FOXO3: variants seen among roughly 807,000 people sequenced by gnomAD.
FOXO3 encodes the protein forkhead box protein O3.
In FOXO3, 4 loss-of-function variants were observed where a neutral mutation model predicts 41.9. That is an observed-to-expected ratio of 0.10 (90% CI 0.05 to 0.22). FOXO3 has a LOEUF of 0.22. Ranked by LOEUF, FOXO3 falls within the 10% of genes least tolerant of loss-of-function variation. The pLI is 1.00. For missense variants in FOXO3, 534 were observed against 906.8 expected (o/e 0.59, Z 5.28); for synonymous variants, 318 against 389.3 (o/e 0.82, Z 2.16).
chr6:108,611,660 ATCT>A (rs998739935), intron 1 of FOXO3, among the ~76,000 whole-genome samples: 4 of 145,724 alleles, frequency 2.7e-5, no homozygotes, highest in African/African-American at 7.5e-5. Flanking sequence ...TAAATTGTAT[ATCT>A]TCTTTGGTGA....
intron 1 of FOXO3, among the ~76,000 whole-genome samples, chr6:108,605,074 A>G (rs1013114481): frequency 2.6e-5 from 4 of 152,200 alleles, no homozygotes; most frequent in African/African-American, 9.7e-5. Flanking sequence ...AATGAAGTTC[A>G]TAGTCACACT....
chr6:108,599,399 T>G (rs1031771500), intron 1 of FOXO3, among the ~76,000 whole-genome samples: 1 of 152,240 alleles, frequency 6.6e-6, no homozygotes, highest in Non-Finnish European at 1.5e-5. Context: ...TTGAATACAT[T>G]ATTTCTTATT....
At chr6:108,578,830 C>T (rs753027963) in intron 1 of FOXO3, among the ~76,000 whole-genome samples, 1 of 152,106 alleles carries the variant, frequency 6.6e-6, no homozygotes, top group Non-Finnish European at 1.5e-5. Flanking sequence ...TGACACGGCT[C>T]TCGTGATGAA....
At chr6:108,595,563 TTC>T (rs565070279) in intron 1 of FOXO3, among the ~76,000 whole-genome samples, 2 of 152,248 alleles carry the variant, frequency 1.3e-5, no homozygotes, top group Non-Finnish European at 2.9e-5. Flanking sequence ...TTATTTTATG[TTC>T]TCTCTCATAG....
intron 1 of FOXO3, among the ~76,000 whole-genome samples, chr6:108,580,902 A>G (rs1336738309): frequency 2.6e-5 from 4 of 152,212 alleles, no homozygotes; most frequent in African/African-American, 9.6e-5. Flanking sequence ...GGGATGGGAC[A>G]CTTCAAACTG....
chr6:108,608,745 A>T (rs1777276535), intron 1 of FOXO3, among the ~76,000 whole-genome samples: 1 of 152,194 alleles, frequency 6.6e-6, no homozygotes, highest in Non-Finnish European at 1.5e-5. Flanking sequence ...TGGTACTTTT[A>T]CAGGGTTTCA....
intron 2 of FOXO3, among the ~76,000 whole-genome samples, chr6:108,674,321 A>T (rs1770488305): frequency 6.6e-6 from 1 of 152,222 alleles, no homozygotes; most frequent in African/African-American, 2.4e-5. Flanking sequence ...TTCAGCCAAC[A>T]TTTATAGTGC....
chr6:108,679,466 C>T (rs1208057042), intron 2 of FOXO3, among the ~76,000 whole-genome samples: 1 of 152,046 alleles, frequency 6.6e-6, no homozygotes, highest in Non-Finnish European at 1.5e-5. Context: ...TCCCTCAGTC[C>T]GGAAGTCTAG....
rs1775770233 is a variant in FOXO3 at position 108,561,134 on chromosome 6, C to G, written c.-75C>G. ...CCGGAGCCTTCGCGGCGTCCACGTC[C>G]CTCCCCCGCTGCACCCCGCCCCGGC... On this transcript the variant is annotated 5_prime_UTR_variant, in exon 1 of 3. Coordinates refer to ENST00000406360, the MANE Select transcript of FOXO3 (RefSeq NM_001455.4). The G allele has an allele frequency of 1.0e-5, 15 of 1,472,348 alleles. No homozygotes were observed. The highest frequency in any genetic ancestry group is 1.3e-5 in the Non-Finnish European group (15 of 1,118,668). 91.2% of individuals were successfully genotyped at this position (1,472,348 alleles called of 1,614,324 possible). A position where few individuals can be genotyped will look rare whatever the true frequency, so the allele number is the denominator to read the frequency against.
intron 1 of FOXO3, chr6:108,618,077 C>G: frequency 4.0e-6 from 3 of 744,452 alleles, no homozygotes; most frequent in Non-Finnish European, 7.4e-6. Flanking sequence ...ACAGGTGTGT[C>G]TTTTTCATTG....
intron 1 of FOXO3, among the ~76,000 whole-genome samples, chr6:108,649,515 CTTTT>C (rs886836999): frequency 2.3e-4 from 22 of 95,200 alleles, no homozygotes; most frequent in Non-Finnish European, 4.3e-4. Flanking sequence ...CCACCCTCAG[CTTTT>C]TTTTTTTTTT....
At position 108,638,223 on chromosome 6, in the gene FOXO3, A is replaced by C. The variant is rs1582803213; in HGVS notation, c.622-25232A>C. Among the ~76,000 whole-genome samples, 7 of 152,282 alleles carry C rather than the reference A, an allele frequency of 4.6e-5. No individual in the cohort carries two copies. In the South Asian group the frequency reaches 1.4e-3, roughly 32 times the overall value. ...GTCATTTTCAGATGCAGTCCTAAGAAACCCCACAGACTCTTGGTAGGGGGG... is the reference window on the plus strand; with the variant it reads ...GTCATTTTCAGATGCAGTCCTAAGACACCCCACAGACTCTTGGTAGGGGGG... On this transcript the variant is annotated intron_variant, in intron 1 of 2. Coordinates refer to ENST00000406360, the MANE Select transcript of FOXO3 (RefSeq NM_001455.4).
chr6:108,675,297 G>T (rs1426244518), intron 2 of FOXO3, among the ~76,000 whole-genome samples: 2 of 152,286 alleles, frequency 1.3e-5, no homozygotes, highest in Admixed American at 1.3e-4. Flanking sequence ...GTCTCCCTTG[G>T]GTTTTATCAG....
rs541504468 is a variant in FOXO3 at position 108,678,384 on chromosome 6, G to A, written c.*35-1443G>A. Among the ~76,000 whole-genome samples, 57 of 152,076 alleles carry A rather than the reference G, an allele frequency of 3.7e-4. 1 individual carries two copies. The highest frequency in any genetic ancestry group is 4.0e-4 in the Non-Finnish European group (27 of 68,018). ...TCTATCCATTTCTTGGCCTAGAGCC[G>A]TTTCTTTACTACCATAACTGCCAAC... On this transcript the variant is annotated intron_variant, in intron 2 of 2. Transcript: ENST00000406360.
chr6:108,605,528 A>G (rs141459999), intron 1 of FOXO3, among the ~76,000 whole-genome samples: 1 of 152,310 alleles, frequency 6.6e-6, no homozygotes, highest in East Asian at 1.9e-4. Context: ...TTTCTAATCT[A>G]TACCTTGGAA....
At chr6:108,623,897 C>T in intron 1 of FOXO3, among the ~76,000 whole-genome samples, 1 of 152,046 alleles carries the variant, frequency 6.6e-6, no homozygotes, top group Admixed American at 6.5e-5. Flanking sequence ...TGCAAGTTTT[C>T]TTAGTTGTTT....
chr6:108,648,515 A>G (rs759088220), intron 1 of FOXO3, among the ~76,000 whole-genome samples: 43 of 152,232 alleles, frequency 2.8e-4, no homozygotes, highest in Non-Finnish European at 5.6e-4. Flanking sequence ...AGGTCAGAGC[A>G]TTCAGAGTGC....
intron 1 of FOXO3, among the ~76,000 whole-genome samples, chr6:108,568,447 C>T (rs1284157120): frequency 6.6e-6 from 1 of 152,116 alleles, no homozygotes; most frequent in African/African-American, 2.4e-5. Flanking sequence ...TGCTAAATGC[C>T]TTTTCTTTCA....
intron 1 of FOXO3, 26 bp from the exon 2 acceptor site, chr6:108,663,429 C>T: frequency 6.3e-7 from 1 of 1,578,564 alleles, no homozygotes; most frequent in Non-Finnish European, 8.6e-7. Context: ...CTGGTTCATA[C>T]TCTGTATTTT....
Sources: allele counts gnomAD v4.1 joint callset (sites outside exome capture counted in the v4.1 genomes callset), GRCh38; gene constraint gnomAD v4.1.1; transcripts MANE v1.5; gene names NCBI Gene and HGNC (gene_info 2026-07-23, HGNC 2026-07-21).